PLEKHG6: variants seen among roughly 807,000 people sequenced by gnomAD.
The protein encoded by PLEKHG6 is pleckstrin homology and RhoGEF domain containing G6, also known as pleckstrin homology domain-containing family G member 6.
A neutral mutation model predicts 97.5 loss-of-function variants in PLEKHG6; 91 were observed. The ratio of observed to expected loss-of-function variants is 0.93; its 90% CI spans 0.79 to 1.11. The LOEUF is 1.11. Ranked by LOEUF, PLEKHG6 falls within the 50% of genes most tolerant of loss-of-function variation. The probability of loss-of-function intolerance (pLI) is 0.00; values close to 1 mark genes in which losing one functional copy is unlikely to be tolerated. For synonymous variants in PLEKHG6, 466 were observed against 425.5 expected (o/e 1.10, Z -1.17); for missense variants, 1,044 against 1,031.0 (o/e 1.01, Z -0.17).
At position 6,327,813 on chromosome 12, in the gene PLEKHG6, G is replaced by A. The variant is rs1947921668; in HGVS notation, c.2230G>A (p.Glu744Lys). ...TGAGGACATGCTCAGAGAGATCCGG[G>A]AGGAGCTGGCCAGCCAAAGGATTGA... ...RAEDMLREIR[E>K]ELASQRIEGA... Residue 744 changes from glutamate (E) to lysine (K), a missense_variant, in exon 15 of 16, where the codon GAG becomes AAG. Coordinates refer to ENST00000684764, the MANE Select transcript of PLEKHG6 (RefSeq NM_001384598.1). The A allele has an allele frequency of 6.6e-7, 1 of 1,513,036 alleles. No individual in the cohort carries two copies. Among genetic ancestry groups the A allele is most frequent in the Admixed American group, 2.3e-5 (1 of 44,098 alleles). 93.7% of individuals were successfully genotyped at this position (1,513,036 alleles called of 1,614,324 possible). A position where few individuals can be genotyped will look rare whatever the true frequency, so the allele number is the denominator to read the frequency against.
intron 3 of PLEKHG6, among the ~76,000 whole-genome samples, chr12:6,314,503 G>C (rs1947384151): frequency 6.6e-6 from 1 of 151,192 alleles, no homozygotes; most frequent in African/African-American, 2.4e-5. Context: ...GCAAAACTCT[G>C]TCTCAAAAGG....
chr12:6,325,885 C>T (rs563381633), intron 13 of PLEKHG6, among the ~76,000 whole-genome samples: 34 of 152,142 alleles, frequency 2.2e-4, no homozygotes, highest in Non-Finnish European at 4.4e-4. Flanking sequence ...CACCAAATCC[C>T]GGCACCACCC....
chr12:6,325,143 AC>A (rs1195144528), intron 13 of PLEKHG6, among the ~76,000 whole-genome samples: 14 of 151,716 alleles, frequency 9.2e-5, no homozygotes, highest in African/African-American at 3.1e-4. Flanking sequence ...TCCGCCTCCA[AC>A]CTCAGCTCTG....
rs762822468 is a variant in PLEKHG6, at chr12:6,326,581, T to C, written c.1670+8T>C. The C allele has an allele frequency of 6.7e-7, 1 of 1,487,484 alleles. No individual in the cohort carries two copies. Among genetic ancestry groups the C allele is most frequent in the Admixed American group, 2.5e-5 (1 of 40,352 alleles). The allele number at this position is 1,487,484 out of a possible 1,614,324, so 92.1% of individuals were successfully genotyped here. A position where few individuals can be genotyped will look rare whatever the true frequency, so the allele number is the denominator to read the frequency against. ...GAGCAGCGCAGAGGGGAGGTAAGGCTCACACGGACTACAAGGTCTCCCCGA... is the reference window on the plus strand; with the variant it reads ...GAGCAGCGCAGAGGGGAGGTAAGGCCCACACGGACTACAAGGTCTCCCCGA... On this transcript the variant is annotated splice_region_variant and intron_variant, in intron 14 of 15. Coordinates refer to ENST00000684764, the MANE Select transcript of PLEKHG6 (RefSeq NM_001384598.1).
chr12:6,326,388 A>G lies in PLEKHG6; in HGVS notation c.1525-40A>G, dbSNP rs575823163. On this transcript the variant is annotated intron_variant, in intron 13 of 15. Coordinates refer to ENST00000684764, the MANE Select transcript of PLEKHG6 (RefSeq NM_001384598.1). ...GTGCCTGGCAAACAGCAAGTGCTCA[A>G]TAAATGAGAGCTCTTAATAACGAAA... 9 of 1,554,600 alleles carry G rather than the reference A, an allele frequency of 5.8e-6. No individual in the cohort carries two copies. In the South Asian group the frequency reaches 6.7e-5, roughly 12 times the overall value.
At chr12:6,310,914 G>C (rs1229472256) in intron 1 of PLEKHG6, 66 bp downstream of exon 1, 1 of 153,148 alleles carries the variant, frequency 6.5e-6, no homozygotes, top group Non-Finnish European at 1.5e-5. Flanking sequence ...TGGAAGCCGG[G>C]GCGAAGGGGA....
chr12:6,313,926 C>A, intron 3 of PLEKHG6, 142 bp downstream of exon 3: 1 of 685,406 alleles, frequency 1.5e-6, no homozygotes, highest in Non-Finnish European at 2.3e-6. Flanking sequence ...TGCCTAGGAC[C>A]TCTCAGGGAT....
chr12:6,311,816 A>G (rs1947279893), intron 1 of PLEKHG6, among the ~76,000 whole-genome samples: 1 of 151,758 alleles, frequency 6.6e-6, no homozygotes, highest in Non-Finnish European at 1.5e-5. Flanking sequence ...TCTAGGTGCA[A>G]GGAGAACCCT....
At chr12:6,326,660 G>A (rs1365231751) in intron 14 of PLEKHG6, 87 bp downstream of exon 14, 2 of 1,252,220 alleles carry the variant, frequency 1.6e-6, no homozygotes, top group African/African-American at 3.1e-5. Context: ...CATTTTTGGT[G>A]GAATTGGGAA....
chr12:6,317,069 G>T (rs1170903174), intron 7 of PLEKHG6, among the ~76,000 whole-genome samples: 1 of 152,248 alleles, frequency 6.6e-6, no homozygotes, highest in African/African-American at 2.4e-5. Context: ...GATAGAGGGA[G>T]CTCAGAGAGC....
rs754579241 is a variant in PLEKHG6, at chr12:6,312,622, G to A, written c.138+258G>A. 8.9e-5 allele frequency: 114 copies of A among 1,280,112 alleles called. No individual in the cohort carries two copies. The Middle Eastern group carries it at 1.8e-3, about 20-fold the overall frequency. The allele number at this position is 1,280,112 out of a possible 1,614,324, so 79.3% of individuals were successfully genotyped here. A position where few individuals can be genotyped will look rare whatever the true frequency, so the allele number is the denominator to read the frequency against. ...CCCTCCGAGGAGTGCTGTTAGACAG[G>A]TCTCAGACAAAGAGCTGCGGGTAAG... On this transcript the variant is annotated intron_variant, in intron 2 of 15. Coordinates refer to ENST00000684764, the MANE Select transcript of PLEKHG6 (RefSeq NM_001384598.1).
chr12:6,313,318 GCA>G, intron 2 of PLEKHG6: 1 of 908,280 alleles, frequency 1.1e-6, no homozygotes, highest in Non-Finnish European at 1.7e-6. Context: ...GGCAGTGGGG[GCA>G]CACACACCAG....
At position 6,312,482 on chromosome 12, in the gene PLEKHG6, ACT is replaced by A. The variant is rs1186358010; in HGVS notation, c.138+121_138+122del. The A allele has an allele frequency of 2.5e-6, 3 of 1,219,758 alleles. No homozygotes were observed. The African/African-American group carries it at 4.8e-5, about 20-fold the overall frequency. 75.6% of individuals were successfully genotyped at this position (1,219,758 alleles called of 1,614,324 possible). A position where few individuals can be genotyped will look rare whatever the true frequency, so the allele number is the denominator to read the frequency against. On this transcript the variant is annotated intron_variant, in intron 2 of 15. Transcript: ENST00000684764. The stretch of plus-strand genomic sequence containing the variant: ...TTGAGCTATTCCTGCCCCTTACCCT[ACT>A]CTTCTTTCCTGGGTTGCGGGAAAGA...
At position 6,318,809 on chromosome 12, in the gene PLEKHG6, A is replaced by T. The variant is rs1407796580; in HGVS notation, c.1340A>T (p.Asp447Val). 1 of 1,614,134 alleles carries T rather than the reference A, an allele frequency of 6.2e-7. No homozygotes were observed. The highest frequency in any genetic ancestry group is 1.1e-5 in the South Asian group (1 of 91,088). Residue 447 changes from aspartate to valine, a missense_variant, in exon 12 of 16, where the codon GAC becomes GTC. Asp to Val is a radical substitution (Grantham distance 152, BLOSUM62 -3). Transcript: ENST00000684764. ...GTGACCAAGCCCCAGCGCAAGGCGG[A>T]CAAAGCCAAGGTCATCCGACCCCCT... is the stretch of plus-strand genomic sequence containing the variant. ...LLVTKPQRKA[D>V]KAKVIRPPLM...
chr12:6,317,816 G>A (rs771234741), intron 9 of PLEKHG6, 41 bp from the exon 10 acceptor site: 15 of 1,538,110 alleles, frequency 9.8e-6, no homozygotes, highest in Admixed American at 4.1e-5. Context: ...GGGAGGGGAC[G>A]GCTGAGCCGT....
At chr12:6,311,852 C>T (rs1210653085) in intron 1 of PLEKHG6, among the ~76,000 whole-genome samples, 2 of 152,084 alleles carry the variant, frequency 1.3e-5, no homozygotes, top group East Asian at 3.9e-4. Flanking sequence ...CCAGAAAGCC[C>T]GAGACCTGTC....
Position 6,313,030 on chromosome 12 carries a change from T to C in PLEKHG6, c.139-599T>C, listed in dbSNP as rs532737916. Reference sequence around the variant, plus strand: ...GGGTGAGAAGGGAGACTAGAAAGTATGTGGGGTAATTCAGGCCACAGGCAA... The same window carrying C: ...GGGTGAGAAGGGAGACTAGAAAGTACGTGGGGTAATTCAGGCCACAGGCAA... On this transcript the variant is annotated intron_variant, in intron 2 of 15. Coordinates refer to ENST00000684764, the MANE Select transcript of PLEKHG6 (RefSeq NM_001384598.1). 6.6e-5 allele frequency: 99 copies of C among 1,493,164 alleles called. No individual in the cohort carries two copies. The African/African-American group carries it at 8.9e-4, about 13-fold the overall frequency. The allele number at this position is 1,493,164 out of a possible 1,614,324, so 92.5% of individuals were successfully genotyped here.
Position 6,327,429 on chromosome 12 carries a change from G to A in PLEKHG6, c.1846G>A (p.Asp616Asn). ...TCTACGCCAAAGAGCCCTTCGGCGGGACCCTCGCCTCACCTTCTCCACCCT... is the reference window on the plus strand; with the variant it reads ...TCTACGCCAAAGAGCCCTTCGGCGGAACCCTCGCCTCACCTTCTCCACCCT... ...SRLRQRALRRDPRLTFSTLEL... is the reference protein window; with the variant it reads ...SRLRQRALRRNPRLTFSTLEL... The change falls in exon 15 of 16, where the codon GAC (aspartate) becomes AAC (asparagine). Residue 616 changes from aspartate to asparagine, a missense_variant. By Grantham distance (23) the Asp-to-Asn change is conservative. Transcript: ENST00000684764. 1 of 1,613,924 alleles carries A rather than the reference G, an allele frequency of 6.2e-7. No homozygotes were observed. Among genetic ancestry groups the A allele is most frequent in the South Asian group, 1.1e-5 (1 of 91,072 alleles).
Position 6,317,921 on chromosome 12 carries a change from A to T in PLEKHG6, c.1082A>T (p.Glu361Val). The change falls in exon 10 of 16, where the codon GAG becomes GTG. Residue 361 changes from glutamate to valine, a missense_variant. Transcript: ENST00000684764. ...CAGGTCCGCCAGGGCGAAGAGCAAG[A>T]GAGCTTGGCGGCTGCAGCACAACGC... ...NGQVRQGEEQESLAAAAQRIG... is the reference protein window; with the variant it reads ...NGQVRQGEEQVSLAAAAQRIG... The T allele has an allele frequency of 6.4e-7, 1 of 1,568,366 alleles. No homozygotes were observed. The highest frequency in any genetic ancestry group is 8.6e-7 in the Non-Finnish European group (1 of 1,156,092).
Sources: gnomAD v4.1 joint callset for allele counts (sites outside exome capture counted in the v4.1 genomes callset) on GRCh38, gnomAD v4.1.1 for gene constraint, MANE v1.5 for transcripts, NCBI Gene and HGNC (gene_info 2026-07-23, HGNC 2026-07-21) for gene names.